The following ACBD5 variants were observed in gnomAD, a reference collection of about 807,000 sequenced individuals.
ACBD5 encodes acyl-CoA binding domain containing 5.
In ACBD5, 40 loss-of-function variants were observed where a neutral mutation model predicts 71.8. The observed-to-expected ratio is 0.56, with a 90% confidence interval of 0.43 to 0.72. The LOEUF is 0.72. Among genes scored for constraint, ACBD5 ranks in the 30% least tolerant of loss-of-function variants. ACBD5 has a pLI of 0.00. For synonymous variants in ACBD5, 229 were observed against 218.6 expected, an observed-to-expected ratio of 1.05 and a Z score of -0.42; for missense variants, 559 against 644.5, an observed-to-expected ratio of 0.87 and a Z score of 1.44.
intron 8 of ACBD5, among the ~76,000 whole-genome samples, chr10:27,214,369 T>C (rs1180132702): frequency 2.0e-5 from 3 of 151,854 alleles, no homozygotes; most frequent in South Asian, 2.1e-4. Context: ...ATATTTATTA[T>C]ATTTTTTATA....
At chr10:27,228,975 C>T (rs563750851) in intron 4 of ACBD5, among the ~76,000 whole-genome samples, 16 of 150,254 alleles carry the variant, frequency 1.1e-4, no homozygotes, top group South Asian at 4.2e-4. Context: ...TATGCCACTA[C>T]GCCAGGCTAA....
chr10:27,188,528 G>A (rs1375849948), intron 13 of ACBD5, among the ~76,000 whole-genome samples: 1 of 152,192 alleles, frequency 6.6e-6, no homozygotes, highest in Non-Finnish European at 1.5e-5. Flanking sequence ...TGCTACCCAG[G>A]ATATTAACCT....
intron 13 of ACBD5, among the ~76,000 whole-genome samples, chr10:27,183,669 C>A (rs2058459887): frequency 2.0e-5 from 3 of 152,242 alleles, no homozygotes; most frequent in South Asian, 4.1e-4. Flanking sequence ...AGAAATGTGT[C>A]ATTTGCATCA....
intron 6 of ACBD5, 101 bp downstream of exon 6, chr10:27,219,622 C>G: frequency 6.7e-7 from 1 of 1,502,636 alleles, no homozygotes. Flanking sequence ...TTACATCCCA[C>G]CACCTGCTTT....
At chr10:27,205,270 A>T (rs2060367460) in intron 10 of ACBD5, 22 bp from the exon 11 acceptor site, 1 of 1,610,582 alleles carries the variant, frequency 6.2e-7, no homozygotes, top group South Asian at 1.1e-5. Flanking sequence ...AATGAAGGTG[A>T]CTTAGCCTTG....
chr10:27,197,371 C>T lies in ACBD5; in HGVS notation c.*59G>A. 6.5e-7 allele frequency: 1 copy of T among 1,528,422 alleles called. No individual in the cohort carries two copies. The highest frequency in any genetic ancestry group is 9.1e-7 in the Non-Finnish European group (1 of 1,103,104). 94.7% of individuals were successfully genotyped at this position (1,528,422 alleles called of 1,614,324 possible). ...AAGATTTTCTTGTGAACACCACAAT[C>T]CAGTTCATTCTGAGGTCATCCAGTT... is the stretch of plus-strand genomic sequence containing the variant. On this transcript the variant is annotated 3_prime_UTR_variant, in exon 13 of 13. Coordinates refer to ENST00000396271, the MANE Select transcript of ACBD5 (RefSeq NM_145698.5).
At position 27,219,858 on chromosome 10, in the gene ACBD5, C is replaced by G. The variant is rs1269919627; in HGVS notation, c.491-1G>C. ...GTAGAAGTGAGAACATTACCAAGAT[C>G]TAAAACATGAAATGACCACTTACTC... On this transcript the variant is annotated splice_acceptor_variant, in intron 5 of 12. Transcript: ENST00000396271. LOFTEE classifies it high-confidence loss of function. The G allele has an allele frequency of 6.2e-7, 1 of 1,613,518 alleles. No individual in the cohort carries two copies. The highest frequency in any genetic ancestry group is 1.1e-5 in the South Asian group (1 of 91,032).
At chr10:27,195,104 A>G, downstream of ACBD5, 1 of 285,416 alleles carries the variant, frequency 3.5e-6, no homozygotes, top group Non-Finnish European at 6.8e-6. Context: ...TGTGTGGAAT[A>G]GCATGGCTTT....
chr10:27,216,236 G>A (rs2061614956), intron 7 of ACBD5, among the ~76,000 whole-genome samples: 1 of 151,766 alleles, frequency 6.6e-6, no homozygotes, highest in Admixed American at 6.6e-5. Flanking sequence ...TGCCTCCTGG[G>A]TTCAAGTGAT....
chr10:27,209,977 C>A (rs1029832031), intron 9 of ACBD5, among the ~76,000 whole-genome samples: 17 of 152,118 alleles, frequency 1.1e-4, no homozygotes, highest in African/African-American at 4.1e-4. Context: ...TGTAAATACT[C>A]GTCCAAATTT....
intron 3 of ACBD5, among the ~76,000 whole-genome samples, chr10:27,234,428 T>G (rs1367178968): frequency 1.3e-5 from 2 of 150,854 alleles, no homozygotes; most frequent in East Asian, 3.9e-4. Context: ...TTATTTTTCT[T>G]GCAGGCAAAA....
chr10:27,235,313 T>A, intron 2 of ACBD5, 101 bp from the exon 3 acceptor site: 2 of 1,359,552 alleles, frequency 1.5e-6, no homozygotes, highest in Non-Finnish European at 2.1e-6. Flanking sequence ...TATATTGCAT[T>A]AATACTTTAG....
chr10:27,223,481 A>C, intron 4 of ACBD5, 29 bp from the exon 5 acceptor site: 1 of 1,498,168 alleles, frequency 6.7e-7, no homozygotes. Context: ...AATATTGTGA[A>C]ATCACAAACT....
At chr10:27,199,803 C>T (rs1239648465) in intron 12 of ACBD5, among the ~76,000 whole-genome samples, 1 of 151,968 alleles carries the variant, frequency 6.6e-6, no homozygotes, top group Non-Finnish European at 1.5e-5. Flanking sequence ...ACTGGTTAGA[C>T]GAGACTATCC....
chr10:27,198,156 A>G (rs1174835218), intron 12 of ACBD5, among the ~76,000 whole-genome samples: 1 of 152,196 alleles, frequency 6.6e-6, no homozygotes, highest in Admixed American at 6.5e-5. Flanking sequence ...TTATGTTTCT[A>G]TTACTTTCCA....
intron 13 of ACBD5, chr10:27,186,719 A>G (rs986887959): frequency 9.7e-6 from 6 of 615,804 alleles, no homozygotes; most frequent in Middle Eastern, 4.4e-4. Flanking sequence ...TCAGTAATTT[A>G]TCTTAACCTC....
intron 4 of ACBD5, among the ~76,000 whole-genome samples, chr10:27,225,886 C>T (rs2062950242): frequency 6.6e-6 from 1 of 152,006 alleles, no homozygotes; most frequent in Non-Finnish European, 1.5e-5. Context: ...CTCTACTTCT[C>T]AAGGCTTATT....
intron 10 of ACBD5, 84 bp from the exon 11 acceptor site, chr10:27,205,332 C>T (rs2060375995): frequency 7.1e-7 from 1 of 1,405,104 alleles, no homozygotes; most frequent in African/African-American, 1.4e-5. Context: ...TTTTAAAAGG[C>T]AGAAATATTG....
chr10:27,184,587 A>T (rs893970933), intron 13 of ACBD5, among the ~76,000 whole-genome samples: 4 of 106,582 alleles, frequency 3.8e-5, no homozygotes, highest in Non-Finnish European at 7.3e-5. Context: ...TTGAGACGGA[A>T]TCTCGTTCTG....
Sources: gnomAD v4.1 joint callset for allele counts (sites outside exome capture counted in the v4.1 genomes callset) on GRCh38, gnomAD v4.1.1 for gene constraint, MANE v1.5 for transcripts, NCBI Gene and HGNC (gene_info 2026-07-23, HGNC 2026-07-21) for gene names.